The following ZNF608 variants were observed in gnomAD, a reference collection of about 807,000 sequenced individuals.
ZNF608 encodes the protein zinc finger protein 608.
Under a neutral mutation model 109.0 loss-of-function variants are expected in ZNF608, and 12 were observed. The observed-to-expected ratio is 0.11, with a 90% CI of 0.07 to 0.18. ZNF608 has a LOEUF of 0.18. Among genes scored for constraint, ZNF608 ranks in the 10% least tolerant of loss-of-function variants. ZNF608 has a pLI of 1.00. For synonymous variants in ZNF608, 732 were observed against 717.4 expected, an observed-to-expected ratio of 1.02 and a Z score of -0.33; for missense variants, 1,707 against 1,879.3, an observed-to-expected ratio of 0.91 and a Z score of 1.70.
chr5:124,718,084 C>T (rs1173765118), intron 2 of ZNF608, among the ~76,000 whole-genome samples: 1 of 152,218 alleles, frequency 6.6e-6, no homozygotes, highest in African/African-American at 2.4e-5. Flanking sequence ...CTGCAAACTT[C>T]CTTGCTGGTG....
rs116865789 is a variant in ZNF608 at position 124,689,563 on chromosome 5, C to T, written c.1162+11451G>A. 3.6e-4 allele frequency among the ~76,000 whole-genome samples: 54 copies of T among 151,752 alleles called. 2 individuals are homozygous for T. In the East Asian group the frequency reaches 0.01, roughly 29 times the overall value. ...TTCAAATTCAATAATAAGAAAACAA[C>T]TCTGTAAGAAAAATGGGCCAAAAAC... On this transcript the variant is annotated intron_variant, in intron 3 of 9. Coordinates refer to ENST00000513986, the MANE Select transcript of ZNF608 (RefSeq NM_020747.3).
At chr5:124,662,800 TACAGACAC>T (rs1438431730) in intron 3 of ZNF608, among the ~76,000 whole-genome samples, 1 of 150,868 alleles carries the variant, frequency 6.6e-6, no homozygotes, top group Non-Finnish European at 1.5e-5. Context: ...TCTCAAGAGT[TACAGACAC>T]ACAGACACAC....
At chr5:124,657,634 C>A (rs1318808461) in intron 3 of ZNF608, among the ~76,000 whole-genome samples, 2 of 152,122 alleles carry the variant, frequency 1.3e-5, no homozygotes, top group Non-Finnish European at 2.9e-5. Context: ...GAGATCGCAC[C>A]ACTGCACTCC....
chr5:124,717,722 G>A (rs1236801782), intron 2 of ZNF608, among the ~76,000 whole-genome samples: 1 of 152,094 alleles, frequency 6.6e-6, no homozygotes, highest in Non-Finnish European at 1.5e-5. Flanking sequence ...GTTAACTCAA[G>A]ACCACAGGAG....
intron 3 of ZNF608, among the ~76,000 whole-genome samples, chr5:124,662,193 C>T (rs940300667): frequency 8.5e-5 from 13 of 152,206 alleles, no homozygotes; most frequent in African/African-American, 3.1e-4. Flanking sequence ...TGACGTTTGT[C>T]TTAAGTATTA....
intron 2 of ZNF608, among the ~76,000 whole-genome samples, chr5:124,712,197 G>C (rs1049760308): frequency 6.6e-6 from 1 of 152,124 alleles, no homozygotes; most frequent in Non-Finnish European, 1.5e-5. Flanking sequence ...CCTGGCACCC[G>C]TGGTGGGGTG....
chr5:124,742,025 T>C (rs780386847), intron 2 of ZNF608, among the ~76,000 whole-genome samples: 13 of 152,186 alleles, frequency 8.5e-5, no homozygotes, highest in Non-Finnish European at 1.8e-4. Context: ...TGCAGTGTGC[T>C]TTCTTCCCTC....
chr5:124,698,626 T>A (rs894883700), intron 3 of ZNF608, among the ~76,000 whole-genome samples: 1 of 152,166 alleles, frequency 6.6e-6, no homozygotes, highest in Non-Finnish European at 1.5e-5. Context: ...AGGAGACCAG[T>A]TTTTCAGAGG....
intron 2 of ZNF608, among the ~76,000 whole-genome samples, chr5:124,713,827 A>G (rs963280620): frequency 1.3e-5 from 2 of 152,194 alleles, no homozygotes; most frequent in Non-Finnish European, 2.9e-5. Flanking sequence ...AGGAAGTGAA[A>G]AAGGAAGTAG....
At chr5:124,672,490 T>C (rs1291128133) in intron 3 of ZNF608, among the ~76,000 whole-genome samples, 1 of 152,134 alleles carries the variant, frequency 6.6e-6, no homozygotes, top group Non-Finnish European at 1.5e-5. Context: ...TGATACTAAA[T>C]GAAAAATGCA....
At chr5:124,654,603 G>A (rs1041022808) in intron 3 of ZNF608, among the ~76,000 whole-genome samples, 7 of 152,120 alleles carry the variant, frequency 4.6e-5, no homozygotes, top group Admixed American at 1.3e-4. Context: ...TGATGGAAAC[G>A]TACGAGCCAT....
chr5:124,717,796 A>G (rs1168793316), intron 2 of ZNF608, among the ~76,000 whole-genome samples: 1 of 152,196 alleles, frequency 6.6e-6, no homozygotes, highest in Non-Finnish European at 1.5e-5. Context: ...TGCATGCGAC[A>G]TGCAACCTGG....
intron 2 of ZNF608, 97 bp from the exon 3 acceptor site, chr5:124,701,366 A>G (rs1753046062): frequency 1.4e-6 from 2 of 1,440,580 alleles, no homozygotes; most frequent in Non-Finnish European, 1.9e-6. Flanking sequence ...TCACCATTCC[A>G]AATTCCATTT....
rs187784237 is a variant in ZNF608 at position 124,704,799 on chromosome 5, T to C, written c.907-3530A>G. 2.0e-5 allele frequency among the ~76,000 whole-genome samples: 3 copies of C among 152,050 alleles called. No homozygotes were observed. The East Asian group carries it at 5.8e-4, about 30-fold the overall frequency. ...CTCTGCCTGAAACAATCACAGAATG[T>C]CGCCTAGCCCAACCTACTCAGTCGA... is the stretch of plus-strand genomic sequence containing the variant. On this transcript the variant is annotated intron_variant, in intron 2 of 9. Transcript: ENST00000513986.
At chr5:124,746,674 G>A (rs1353313464), upstream of ZNF608, 1 of 985,234 alleles carries the variant, frequency 1.0e-6, no homozygotes, top group Non-Finnish European at 1.2e-6. Context: ...ATAAATTAGT[G>A]AAAGGGAAGA....
chr5:124,674,809 C>A (rs13165829), intron 3 of ZNF608, among the ~76,000 whole-genome samples: 19,328 of 151,964 alleles, frequency 0.13, 1,294 homozygotes, highest in East Asian at 0.2. Flanking sequence ...GAGATAGGAT[C>A]TTACTTTGTT....
chr5:124,701,399 G>T, intron 2 of ZNF608, 130 bp from the exon 3 acceptor site: 1 of 1,199,524 alleles, frequency 8.3e-7, no homozygotes, highest in Non-Finnish European at 1.2e-6. Context: ...TGCTTTGAGT[G>T]TTTTAATGGT....
intron 3 of ZNF608, among the ~76,000 whole-genome samples, chr5:124,674,573 G>A (rs1228941373): frequency 6.6e-6 from 1 of 152,150 alleles, no homozygotes; most frequent in Non-Finnish European, 1.5e-5. Flanking sequence ...TTAGGGCTGA[G>A]CCAATGCATT....
At chr5:124,643,384 G>C (rs1311927670) in intron 7 of ZNF608, 127 bp downstream of exon 7, 1 of 867,680 alleles carries the variant, frequency 1.2e-6, no homozygotes. Context: ...TTACGTATTA[G>C]GATAAAACAG....
Sources: allele counts gnomAD v4.1 joint callset (sites outside exome capture counted in the v4.1 genomes callset), GRCh38; gene constraint gnomAD v4.1.1; transcripts MANE v1.5; gene names NCBI Gene and HGNC (gene_info 2026-07-23, HGNC 2026-07-21).